CCND1: variants seen among roughly 807,000 people sequenced by gnomAD.
The protein encoded by CCND1 is G1/S-specific cyclin-D1.
A neutral mutation model predicts 26.1 loss-of-function variants in CCND1; 9 were observed. The observed-to-expected ratio is 0.35, with a 90% CI of 0.21 to 0.60. CCND1 has a LOEUF of 0.60. Ranked by LOEUF, CCND1 falls within the 20% of genes least tolerant of loss-of-function variation. The probability of loss-of-function intolerance (pLI) is 0.79; values close to 1 mark genes in which losing one functional copy is unlikely to be tolerated. For synonymous variants in CCND1, 194 were observed against 166.1 expected (o/e 1.17, Z -1.29); for missense variants, 335 against 392.9 (o/e 0.85, Z 1.25).
chr11:69,641,427 C>G lies in CCND1; in HGVS notation c.114C>G (p.Cys38Trp), dbSNP rs780366497. 8 of 1,613,464 alleles carry G rather than the reference C, an allele frequency of 5.0e-6. No homozygotes were observed. The highest frequency in any genetic ancestry group is 6.8e-6 in the Non-Finnish European group (8 of 1,180,018). Residue 38 changes from cysteine to tryptophan, a missense_variant, in exon 1 of 5, where the codon TGC becomes TGG. By Grantham distance (215) the Cys-to-Trp change is radical. Coordinates refer to ENST00000227507, the MANE Select transcript of CCND1 (RefSeq NM_053056.3). Reference protein sequence around the residue: ...LRAMLKAEETCAPSVSYFKCV... With the variant: ...LRAMLKAEETWAPSVSYFKCV... ...CCATGCTGAAGGCGGAGGAGACCTGCGCGCCCTCGGTGTCCTACTTCAAAT... is the reference window on the plus strand; with the variant it reads ...CCATGCTGAAGGCGGAGGAGACCTGGGCGCCCTCGGTGTCCTACTTCAAAT...
intron 3 of CCND1, among the ~76,000 whole-genome samples, chr11:69,645,113 C>T (rs534226953): frequency 6.6e-6 from 1 of 152,272 alleles, no homozygotes; most frequent in Admixed American, 6.5e-5. Flanking sequence ...CCCACGTTTC[C>T]AAGCGAGTCC....
chr11:69,642,923 G>A, intron 1 of CCND1, 108 bp from the exon 2 acceptor site: 2 of 675,674 alleles, frequency 3.0e-6, no homozygotes, highest in East Asian at 3.5e-5. Flanking sequence ...CCGACCCCTC[G>A]GCGCCCTCCA....
intron 3 of CCND1, among the ~76,000 whole-genome samples, chr11:69,645,345 A>G (rs141993180): frequency 2.0e-5 from 3 of 152,230 alleles, no homozygotes; most frequent in African/African-American, 7.2e-5. Flanking sequence ...CAGCCTCCCT[A>G]CAGGGTGGCT....
At chr11:69,645,463 G>A (rs993899125) in intron 3 of CCND1, among the ~76,000 whole-genome samples, 6 of 152,144 alleles carry the variant, frequency 3.9e-5, no homozygotes, top group African/African-American at 7.2e-5. Flanking sequence ...CTGCGAAGGC[G>A]CCCCCAGCGG....
chr11:69,649,315 G>T (rs1855826127), intron 4 of CCND1, among the ~76,000 whole-genome samples: 1 of 152,348 alleles, frequency 6.6e-6, no homozygotes, highest in Admixed American at 6.5e-5. Flanking sequence ...GACTGCCCTG[G>T]GATGTTGCTG....
chr11:69,652,793 C>CAA lies in CCND1; in HGVS notation c.*1512_*1513insAA, dbSNP rs1855870492. On this transcript the variant is annotated 3_prime_UTR_variant, in exon 5 of 5. Coordinates refer to ENST00000227507, the MANE Select transcript of CCND1 (RefSeq NM_053056.3). ...AAACACACAGATACACACACACACACACACACACACAAACCTTCTGCCTTT... is the reference window on the plus strand; with the variant it reads ...AAACACACAGATACACACACACACACAAACACACACACAAACCTTCTGCCTTT... The CAA allele has an allele frequency of 4.6e-5, 11 of 238,624 alleles. No individual in the cohort carries two copies. The South Asian group carries it at 1.9e-3, about 41-fold the overall frequency. The allele number at this position is 238,624 out of a possible 1,614,324, so 14.8% of individuals were successfully genotyped here.
chr11:69,641,838 C>T (rs2120083541), intron 1 of CCND1, among the ~76,000 whole-genome samples: 1 of 152,092 alleles, frequency 6.6e-6, no homozygotes, highest in Admixed American at 6.5e-5. Context: ...TGTCCCCCGC[C>T]TGCGCCCCAG....
Position 69,652,926 on chromosome 11 carries a change from T to C in CCND1, c.*1644T>C, listed in dbSNP as rs772731825. On this transcript the variant is annotated 3_prime_UTR_variant, in exon 5 of 5. Coordinates refer to ENST00000227507, the MANE Select transcript of CCND1 (RefSeq NM_053056.3). ...ACACAAAGACATTGATTCAGCCTGTTTGGCGTTTCCCAGAGTCATCTGATT... is the reference window on the plus strand; with the variant it reads ...ACACAAAGACATTGATTCAGCCTGTCTGGCGTTTCCCAGAGTCATCTGATT... The C allele has an allele frequency of 3.4e-6, 1 of 291,258 alleles. No homozygotes were observed. Among genetic ancestry groups the C allele is most frequent in the African/African-American group, 2.1e-5 (1 of 46,730 alleles). The allele number at this position is 291,258 out of a possible 1,614,324, so 18.0% of individuals were successfully genotyped here. A position where few individuals can be genotyped will look rare whatever the true frequency, so the allele number is the denominator to read the frequency against.
At position 69,644,728 on chromosome 11, in the gene CCND1, G is replaced by A. The variant is rs1855757274; in HGVS notation, c.574+737G>A. Among the ~76,000 whole-genome samples the A allele has an allele frequency of 2.0e-5, 3 of 152,332 alleles. No individual in the cohort carries two copies. In the South Asian group the frequency reaches 6.2e-4, roughly 32 times the overall value. On this transcript the variant is annotated intron_variant, in intron 3 of 4. Transcript: ENST00000227507. ...GGGGACAGACTCGCACATACACAGG[G>A]TGCCGCCTCCTGCTGTCCCCAGCCC...
At chr11:69,642,546 CA>C (rs1382092414) in intron 1 of CCND1, among the ~76,000 whole-genome samples, 1 of 152,174 alleles carries the variant, frequency 6.6e-6, no homozygotes, top group African/African-American at 2.4e-5. Flanking sequence ...TTTTTTTATG[CA>C]CTTAGTTATT....
At chr11:69,643,317 C>CA (rs1388702049) in intron 2 of CCND1, 71 bp downstream of exon 2, 2 of 1,294,646 alleles carry the variant, frequency 1.5e-6, no homozygotes, top group African/African-American at 3.1e-5. Context: ...GGGGAAGGTG[C>CA]AGGCGGTGGC....
At chr11:69,643,530 C>A (rs1254448642) in intron 2 of CCND1, among the ~76,000 whole-genome samples, 1 of 152,244 alleles carries the variant, frequency 6.6e-6, no homozygotes, top group Non-Finnish European at 1.5e-5. Flanking sequence ...GCACGAGGAG[C>A]GCCGCGCTCG....
At chr11:69,649,268 C>T (rs1374474498) in intron 4 of CCND1, among the ~76,000 whole-genome samples, 4 of 152,232 alleles carry the variant, frequency 2.6e-5, no homozygotes, top group Non-Finnish European at 5.9e-5. Flanking sequence ...ATTTCGAACT[C>T]CACGCCCTGA....
chr11:69,648,247 A>T (rs760694336), intron 4 of CCND1, 105 bp downstream of exon 4: 3 of 1,386,996 alleles, frequency 2.2e-6, no homozygotes, highest in Non-Finnish European at 3.0e-6. Flanking sequence ...AAGGGTGACA[A>T]GGTTGGGGCT....
In CCND1 at chr11:69,644,108, C is replaced by T. The variant is rs746191831; in HGVS notation, c.574+117C>T. 1.2e-5 allele frequency: 12 copies of T among 991,342 alleles called. No individual in the cohort carries two copies. The Admixed American group carries it at 2.2e-4, about 18-fold the overall frequency. 61.4% of individuals were successfully genotyped at this position (991,342 alleles called of 1,614,324 possible). A position where few individuals can be genotyped will look rare whatever the true frequency, so the allele number is the denominator to read the frequency against. On this transcript the variant is annotated intron_variant, in intron 3 of 4. Transcript: ENST00000227507. ...CTGGGAAGATGTCCCCAGACCCCCT[C>T]CTGCGCTGGAGAGCGCTCTTCCAGC...
chr11:69,650,663 A>G (rs1345706093), intron 4 of CCND1, among the ~76,000 whole-genome samples: 3 of 152,202 alleles, frequency 2.0e-5, no homozygotes, highest in African/African-American at 4.8e-5. Context: ...ACAGCCATTG[A>G]TCATGGAAGG....
At chr11:69,641,950 C>T (rs1855708834) in intron 1 of CCND1, among the ~76,000 whole-genome samples, 1 of 149,526 alleles carries the variant, frequency 6.7e-6, no homozygotes, top group Admixed American at 6.6e-5. Context: ...AAGGGCCGCT[C>T]GTGCCAGTAT....
Position 69,641,320 on chromosome 11 carries a change from C to T in CCND1, c.7C>T (p.His3Tyr), listed in dbSNP as rs2120079579. ...CCCAGGAAGAGCCCCAGCCATGGAA[C>T]ACCAGCTCCTGTGCTGCGAAGTGGA... MEHQLLCCEVETI... is the reference protein window; with the variant it reads MEYQLLCCEVETI... The change falls in exon 1 of 5, where the codon CAC becomes TAC. Residue 3 changes from histidine (H) to tyrosine (Y), a missense_variant. By Grantham distance (83) the His-to-Tyr change is moderately conservative (BLOSUM62 2). Transcript: ENST00000227507. The T allele has an allele frequency of 6.2e-7, 1 of 1,611,858 alleles. No homozygotes were observed. The highest frequency in any genetic ancestry group is 8.5e-7 in the Non-Finnish European group (1 of 1,179,962).
rs778678506 is a variant in CCND1, at chr11:69,641,529, GCT to G, written c.198+23_198+24del. The G allele has an allele frequency of 1.9e-6, 3 of 1,611,574 alleles. No individual in the cohort carries two copies. The East Asian group carries it at 6.7e-5, about 36-fold the overall frequency. ...TGCTGGAGGTGCGGGGCTTCGGGCG[GCT>G]CTCTTAAGACTTCCCTGCAACTTGT... On this transcript the variant is annotated intron_variant, in intron 1 of 4. Coordinates refer to ENST00000227507, the MANE Select transcript of CCND1 (RefSeq NM_053056.3).
Sources: allele counts gnomAD v4.1 joint callset (sites outside exome capture counted in the v4.1 genomes callset), GRCh38; gene constraint gnomAD v4.1.1; transcripts MANE v1.5; gene names NCBI Gene and HGNC (gene_info 2026-07-23, HGNC 2026-07-21).